ENTPD7: variants seen among roughly 807,000 people sequenced by gnomAD.
ENTPD7 encodes the protein NTPDase 7.
Under a neutral mutation model 77.9 loss-of-function variants are expected in ENTPD7, and 53 were observed. That is an observed-to-expected ratio of 0.68 (90% CI 0.55 to 0.85). The LOEUF (loss-of-function observed/expected upper bound fraction) is 0.85. ENTPD7 is among the 40% of genes least tolerant of loss of function. The pLI, the probability that ENTPD7 is intolerant of heterozygous loss-of-function variation, is 0.00. For missense variants in ENTPD7, 636 were observed against 743.7 expected (o/e 0.86, Z 1.68); for synonymous variants, 248 against 274.9 (o/e 0.90, Z 0.97).
rs566986775 is a variant in ENTPD7, at chr10:99,700,096, T to C, written c.1336-877T>C. Reference sequence around the variant, plus strand: ...CCTCCAGGACGACCTTCACGCTCCCTGTTTTTCTGGAGCCCAGAGCTCCCT... The same window carrying C: ...CCTCCAGGACGACCTTCACGCTCCCCGTTTTTCTGGAGCCCAGAGCTCCCT... On this transcript the variant is annotated intron_variant, in intron 10 of 12. Transcript: ENST00000370489. Among the ~76,000 whole-genome samples the C allele has an allele frequency of 1.4e-4, 21 of 152,318 alleles. No homozygotes were observed. In the East Asian group the frequency reaches 2.9e-3, roughly 21 times the overall value.
chr10:99,659,987 C>T lies in ENTPD7; in HGVS notation c.8+23C>T, dbSNP rs1590032725. ...TAGGTAAGGCTGCACACTTTCCCTC[C>T]GGCTGGGAGCACGGCAGAGGATGGC... On this transcript the variant is annotated intron_variant, in intron 2 of 12. Transcript: ENST00000370489. The surrounding 1 kb of genome is among the most constrained non-coding windows in gnomAD (Gnocchi z 4.1). The T allele has an allele frequency of 6.2e-7, 1 of 1,613,766 alleles. No individual in the cohort carries two copies. Among genetic ancestry groups the T allele is most frequent in the Non-Finnish European group, 8.5e-7 (1 of 1,179,914 alleles).
chr10:99,679,493 C>T, intron 4 of ENTPD7, 27 bp downstream of exon 4: 1 of 1,587,288 alleles, frequency 6.3e-7, no homozygotes, highest in Non-Finnish European at 8.6e-7. Flanking sequence ...ATTTTGTTGT[C>T]AGTCTCTTTT....
rs2036364416 is a variant in ENTPD7 at position 99,710,987 on chromosome 10, T to C, written c.*6304T>C. 1 of 985,034 alleles carries C rather than the reference T, an allele frequency of 1.0e-6. No homozygotes were observed. The highest frequency in any genetic ancestry group is 1.7e-5 in the African/African-American group (1 of 57,306). The allele number at this position is 985,034 out of a possible 1,614,324, so 61.0% of individuals were successfully genotyped here. On this transcript the variant is annotated 3_prime_UTR_variant, in exon 13 of 13. Transcript: ENST00000370489. ...AATCCTATAGGTATGTGATGACTTG[T>C]TTTTTTGGAAAAAGGTATTTGGAAC...
intron 3 of ENTPD7, among the ~76,000 whole-genome samples, chr10:99,670,734 G>T (rs2035609931): frequency 6.6e-6 from 1 of 152,302 alleles, no homozygotes; most frequent in African/African-American, 2.4e-5. Context: ...GATAAATTGG[G>T]TCTGGTATGG....
At chr10:99,690,546 A>AT (rs34605992) in intron 7 of ENTPD7, among the ~76,000 whole-genome samples, 39,685 of 141,862 alleles carry the variant, frequency 0.28, 5,583 homozygotes, top group Non-Finnish European at 0.3. Context: ...ATGTTTCATA[A>AT]TTTTTTTTTT....
chr10:99,695,054 AAG>A, intron 8 of ENTPD7, among the ~76,000 whole-genome samples: 1 of 152,322 alleles, frequency 6.6e-6, no homozygotes, highest in South Asian at 2.1e-4. Flanking sequence ...AATAAAGCAA[AAG>A]AGAGGCTTTG....
At chr10:99,682,199 G>GTTT (rs11452695) in intron 5 of ENTPD7, among the ~76,000 whole-genome samples, 21 of 145,284 alleles carry the variant, frequency 1.4e-4, no homozygotes, top group Admixed American at 1.4e-4. Flanking sequence ...GTCAACAGCA[G>GTTT]TTTTTTTTTT....
At chr10:99,668,439 A>G (rs1418653244) in intron 3 of ENTPD7, among the ~76,000 whole-genome samples, 1 of 152,182 alleles carries the variant, frequency 6.6e-6, no homozygotes, top group Admixed American at 6.5e-5. Flanking sequence ...ATTAGAGTTA[A>G]TCAGCCCATC....
intron 6 of ENTPD7, among the ~76,000 whole-genome samples, chr10:99,687,147 C>T (rs1454319032): frequency 6.6e-6 from 1 of 151,190 alleles, no homozygotes; most frequent in African/African-American, 2.4e-5. Context: ...AAACTCCTGA[C>T]CTCGTGATCC....
chr10:99,668,681 A>G (rs981026495), intron 3 of ENTPD7, among the ~76,000 whole-genome samples: 11 of 152,182 alleles, frequency 7.2e-5, no homozygotes, highest in African/African-American at 2.7e-4. Context: ...GAAAATATAC[A>G]CTGAAGATAA....
At chr10:99,673,508 T>G (rs888668939) in intron 3 of ENTPD7, among the ~76,000 whole-genome samples, 3 of 152,140 alleles carry the variant, frequency 2.0e-5, no homozygotes, top group African/African-American at 7.2e-5. Flanking sequence ...TGTTCTTTAG[T>G]TACTAGTTTG....
In ENTPD7 at chr10:99,679,334, G is replaced by T; in HGVS notation, c.265G>T (p.Asp89Tyr). 4 of 1,614,146 alleles carry T rather than the reference G, an allele frequency of 2.5e-6. No homozygotes were observed. The highest frequency in any genetic ancestry group is 3.4e-6 in the Non-Finnish European group (4 of 1,180,024). Residue 89 changes from aspartate (D) to tyrosine (Y), a missense_variant, in exon 4 of 13, where the codon GAC (aspartate) becomes TAC (tyrosine). Physicochemically the swap from Asp to Tyr is radical, Grantham distance 160. This residue lies in a region of ENTPD7 where 486 missense variants were observed against 556.5 expected (regional missense o/e 0.87). Transcript: ENST00000370489. ...DPNLNYGLVV[D>Y]CGSSGSRIFV... ...AAATCTGAATTATGGACTTGTTGTT[G>T]ACTGTGGCAGCAGTGGTTCCCGGAT...
At chr10:99,688,234 G>T (rs76317263) in intron 6 of ENTPD7, among the ~76,000 whole-genome samples, 2,192 of 152,140 alleles carry the variant, frequency 0.014, 60 homozygotes, top group African/African-American at 0.05. Flanking sequence ...GAAAAAATGG[G>T]ACACTCACTA....
At chr10:99,691,259 T>C in intron 7 of ENTPD7, 126 bp from the exon 8 acceptor site, 1 of 1,000,610 alleles carries the variant, frequency 1.0e-6, no homozygotes, top group Non-Finnish European at 1.4e-6. Flanking sequence ...CCCAGTGTTT[T>C]GGGATTACAG....
At chr10:99,701,579 G>A (rs1464999606) in intron 11 of ENTPD7, among the ~76,000 whole-genome samples, 1 of 151,438 alleles carries the variant, frequency 6.6e-6, no homozygotes, top group Non-Finnish European at 1.5e-5. Flanking sequence ...TGAGCCACCG[G>A]GCCCGGCCAA....
chr10:99,698,519 T>G lies in ENTPD7; in HGVS notation c.1011-15T>G. ...GACGTGTTTGTTTGTTTGTTTGTTT[T>G]TGTCATTGTGGCAGATTGCTTGGTC... On this transcript the variant is annotated splice_polypyrimidine_tract_variant and intron_variant, in intron 9 of 12. Transcript: ENST00000370489. The G allele has an allele frequency of 6.3e-7, 1 of 1,592,806 alleles. No homozygotes were observed. The highest frequency in any genetic ancestry group is 8.6e-7 in the Non-Finnish European group (1 of 1,164,366).
intron 11 of ENTPD7, among the ~76,000 whole-genome samples, chr10:99,702,036 G>A (rs905347430): frequency 1.3e-5 from 2 of 151,908 alleles, no homozygotes. Context: ...GTGACAGAGT[G>A]AGACTCTGTC....
In ENTPD7 at chr10:99,668,428, T is replaced by C. The variant is rs2035579001; in HGVS notation, c.191+6800T>C. ...TGTGAGGTAAGGGAAAGAATGTTAA[T>C]ATTAGAGTTAATCAGCCCATCATTT... On this transcript the variant is annotated intron_variant, in intron 3 of 12. Transcript: ENST00000370489. Among the ~76,000 whole-genome samples the C allele has an allele frequency of 2.0e-5, 3 of 152,196 alleles. No individual in the cohort carries two copies. The South Asian group carries it at 6.2e-4, about 31-fold the overall frequency.
intron 3 of ENTPD7, among the ~76,000 whole-genome samples, chr10:99,670,635 A>T (rs2035608941): frequency 6.6e-6 from 1 of 152,228 alleles, no homozygotes; most frequent in African/African-American, 2.4e-5. Flanking sequence ...TGCACTGAAT[A>T]CTATAGGCAA....
Sources: gnomAD v4.1 joint callset for allele counts (sites outside exome capture counted in the v4.1 genomes callset) on GRCh38, gnomAD v4.1.1 for gene constraint, gnomAD v4.1.1 regional missense constraint, Gnocchi (gnomAD v3.1) non-coding constraint, MANE v1.5 for transcripts, NCBI Gene and HGNC (gene_info 2026-07-23, HGNC 2026-07-21) for gene names.